Variants in CTPS2 observed in about 807,000 individuals in gnomAD.
The protein encoded by CTPS2 is CTP synthase 2.
Under a neutral mutation model 46.8 loss-of-function variants are expected in CTPS2, and 19 were observed. That is an observed-to-expected ratio of 0.41 (90% CI 0.28 to 0.60). CTPS2 has a LOEUF of 0.60. Among genes scored for constraint, CTPS2 ranks in the 20% least tolerant of loss-of-function variants. The pLI is 0.35. For missense variants in CTPS2, 286 were observed against 447.6 expected (o/e 0.64, Z 3.26); for synonymous variants, 151 against 165.2 (o/e 0.91, Z 0.66).
rs368449864 is a variant in CTPS2, at chrX:16,693,672, C to G, written c.439-185G>C. Among the ~76,000 whole-genome samples the G allele has an allele frequency of 7.2e-5, 8 of 111,115 alleles. No individual in the cohort carries two copies. The East Asian group carries it at 1.7e-3, about 23-fold the overall frequency. On this transcript the variant is annotated intron_variant, in intron 4 of 18. Transcript: ENST00000359276. The stretch of plus-strand genomic sequence containing the variant: ...GGGTATGGCGGCTCACACCTATGAT[C>G]CCAGCGCTTTGGGAGGCCAAGGCAG...
intron 13 of CTPS2, among the ~76,000 whole-genome samples, chrX:16,666,900 A>G (rs758310600): frequency 2.0e-3 from 227 of 111,493 alleles, no homozygotes; most frequent in African/African-American, 7.3e-3. Flanking sequence ...GTCTGGAGAC[A>G]GGACAGCTCA....
chrX:16,610,175 T>TCACAG (rs1164579166), intron 16 of CTPS2, among the ~76,000 whole-genome samples: 1 of 111,624 alleles, frequency 9.0e-6, no homozygotes. Flanking sequence ...GCTTTTCTAG[T>TCACAG]CACAGCTTTA....
At chrX:16,659,123 A>T (rs559913413) in intron 13 of CTPS2, among the ~76,000 whole-genome samples, 50 of 112,262 alleles carry the variant, frequency 4.5e-4, no homozygotes, top group Middle Eastern at 4.6e-3. Flanking sequence ...CAGTTCTGAT[A>T]TCTAGCTCAT....
intron 2 of CTPS2, among the ~76,000 whole-genome samples, chrX:16,700,547 G>A (rs1924479746): frequency 9.5e-6 from 1 of 104,836 alleles, no homozygotes; most frequent in Non-Finnish European, 2.0e-5. Context: ...GGGCGACAGA[G>A]TGAGACTCTG....
At chrX:16,597,574 C>A (rs908605336) in intron 17 of CTPS2, among the ~76,000 whole-genome samples, 1 of 111,661 alleles carries the variant, frequency 9.0e-6, no homozygotes, top group East Asian at 2.8e-4. Context: ...GGTACCAGTA[C>A]CATGTTGTTT....
intron 14 of CTPS2, among the ~76,000 whole-genome samples, chrX:16,630,297 C>T (rs1214143800): frequency 9.7e-6 from 1 of 103,404 alleles, no homozygotes; most frequent in African/African-American, 3.6e-5. Context: ...CTCTGTTGCC[C>T]AGGTTGGAGT....
At chrX:16,674,714 T>A (rs1174138448) in intron 10 of CTPS2, among the ~76,000 whole-genome samples, 1 of 106,397 alleles carries the variant, frequency 9.4e-6, no homozygotes, top group African/African-American at 3.5e-5. Context: ...GGCAGGCGCC[T>A]GTAGTCCCAG....
intron 13 of CTPS2, among the ~76,000 whole-genome samples, chrX:16,640,258 C>A (rs182665184): frequency 1.8e-5 from 2 of 111,531 alleles, no homozygotes; most frequent in African/African-American, 3.3e-5. Flanking sequence ...CCTTTCCTCC[C>A]GCCGTGGCGA....
intron 16 of CTPS2, among the ~76,000 whole-genome samples, chrX:16,614,595 C>T (rs1382042002): frequency 2.7e-5 from 3 of 112,495 alleles, no homozygotes; most frequent in Non-Finnish European, 5.6e-5. Flanking sequence ...CTTAACTACT[C>T]ATCTCTGCCA....
At chrX:16,669,202 C>G (rs186827791) in intron 11 of CTPS2, among the ~76,000 whole-genome samples, 5 of 111,056 alleles carry the variant, frequency 4.5e-5, no homozygotes, top group Admixed American at 3.8e-4. Flanking sequence ...GAAGGCAGAC[C>G]TGTGTCGCCC....
At chrX:16,706,296 A>C (rs910085183) in intron 1 of CTPS2, among the ~76,000 whole-genome samples, 15 of 107,346 alleles carry the variant, frequency 1.4e-4, no homozygotes, top group African/African-American at 5.1e-4. Flanking sequence ...GGTGGCAGGC[A>C]CCTGTAATCC....
intron 17 of CTPS2, among the ~76,000 whole-genome samples, chrX:16,594,535 G>C (rs1048722285): frequency 4.5e-5 from 5 of 111,980 alleles, no homozygotes; most frequent in Non-Finnish European, 9.4e-5. Context: ...AACAGTCATG[G>C]AAACATAAAG....
At position 16,702,828 on chromosome X, in the gene CTPS2, C is replaced by T. The variant is rs1924687993; in HGVS notation, c.75G>A (p.Thr25=). ...GKGIIASSIG[T]ILKSCGLRVT... Reference sequence around the variant, plus strand: ...CTCGGAGTCCACATGATTTTAGAATCGTTCCAATGCTGCTGGCAATGATCC... The same window carrying T: ...CTCGGAGTCCACATGATTTTAGAATTGTTCCAATGCTGCTGGCAATGATCC... Residue 25 remains threonine (T), a synonymous_variant, in exon 2 of 19, where the codon ACG becomes ACA. Coordinates refer to ENST00000359276, the MANE Select transcript of CTPS2 (RefSeq NM_175859.3). 5.0e-6 allele frequency: 6 copies of T among 1,207,505 alleles called. No individual in the cohort carries two copies. The highest frequency in any genetic ancestry group is 5.6e-6 in the Non-Finnish European group (5 of 893,985).
intron 2 of CTPS2, among the ~76,000 whole-genome samples, chrX:16,699,850 T>C (rs771525194): frequency 7.9e-4 from 89 of 112,363 alleles, no homozygotes; most frequent in African/African-American, 2.8e-3. Flanking sequence ...ATTTATCCAT[T>C]CTAAGGTACA....
At chrX:16,662,246 AC>A (rs1461204398) in intron 13 of CTPS2, among the ~76,000 whole-genome samples, 3 of 110,836 alleles carry the variant, frequency 2.7e-5, no homozygotes, top group African/African-American at 9.8e-5. Flanking sequence ...TTGCTATAGA[AC>A]CCTAAGTATT....
chrX:16,674,557 G>A (rs1039616012), intron 10 of CTPS2, among the ~76,000 whole-genome samples: 3 of 111,160 alleles, frequency 2.7e-5, no homozygotes, highest in Non-Finnish European at 5.7e-5. Context: ...AAATTACGCA[G>A]GCCGGGCATG....
chrX:16,631,240 C>T (rs893668953), intron 14 of CTPS2, among the ~76,000 whole-genome samples: 1 of 109,962 alleles, frequency 9.1e-6, no homozygotes, highest in Non-Finnish European at 1.9e-5. Context: ...TCCAGCTACT[C>T]GGGTGGCTGA....
Position 16,638,687 on chromosome X carries a change from C to G in CTPS2, c.1393+460G>C, listed in dbSNP as rs1931887678. ...GGCTGCCAGGGAACAGAGAAATACG[C>G]TTCTGAGGTGCATAACTGCCCTCCT... On this transcript the variant is annotated intron_variant, in intron 14 of 18. Coordinates refer to ENST00000359276, the MANE Select transcript of CTPS2 (RefSeq NM_175859.3). 1.6e-5 allele frequency: 4 copies of G among 243,700 alleles called. No homozygotes were observed. The South Asian group carries it at 2.0e-4, about 12-fold the overall frequency. 20.1% of individuals were successfully genotyped at this position (243,700 alleles called of 1,213,427 possible).
At chrX:16,596,024 G>A (rs765736650) in intron 17 of CTPS2, among the ~76,000 whole-genome samples, 59 of 110,727 alleles carry the variant, frequency 5.3e-4, no homozygotes, top group Non-Finnish European at 9.3e-4. Flanking sequence ...ACATGCCACC[G>A]TGCCCATCTA....
Sources: allele counts gnomAD v4.1 joint callset (sites outside exome capture counted in the v4.1 genomes callset), GRCh38; gene constraint gnomAD v4.1.1; transcripts MANE v1.5; gene names NCBI Gene and HGNC (gene_info 2026-07-23, HGNC 2026-07-21).